Variants in AK9 observed in about 807,000 individuals in gnomAD.
AK9 encodes adenylate kinase 9, also known as adenylate kinase domain containing 1.
Under a neutral mutation model 239.6 loss-of-function variants are expected in AK9, and 191 were observed. The ratio of observed to expected loss-of-function variants is 0.80; its 90% CI spans 0.71 to 0.90. The LOEUF is 0.90. AK9 is among the 40% of genes least tolerant of loss of function. The pLI is 0.00. For synonymous variants in AK9, 689 were observed against 721.0 expected, an observed-to-expected ratio of 0.96 and a Z score of 0.71; for missense variants, 1,995 against 2,214.7, an observed-to-expected ratio of 0.90 and a Z score of 1.99.
At chr6:109,538,833 G>A (rs11965743) in intron 27 of AK9, among the ~76,000 whole-genome samples, 3,223 of 152,198 alleles carry the variant, frequency 0.021, 101 homozygotes, top group African/African-American at 0.075. Flanking sequence ...TTGCTTGTCT[G>A]TAAAGGATTT....
chr6:109,567,829 A>C (rs1182442493), intron 21 of AK9, among the ~76,000 whole-genome samples: 1 of 150,978 alleles, frequency 6.6e-6, no homozygotes, highest in African/African-American at 2.4e-5. Context: ...ACATGTATAC[A>C]TATGTAACAA....
At chr6:109,677,283 A>T (rs552667307) in intron 1 of AK9, among the ~76,000 whole-genome samples, 9 of 152,326 alleles carry the variant, frequency 5.9e-5, no homozygotes, top group Admixed American at 3.9e-4. Flanking sequence ...AATATTTTTT[A>T]AAAATAGTAA....
In AK9 at chr6:109,508,542, A is replaced by C. The variant is rs992271403; in HGVS notation, c.4481+637T>G. On this transcript the variant is annotated intron_variant, in intron 33 of 40. Transcript: ENST00000424296. ...AAGGACTTAATTATGGGTCACAGAC[A>C]AGGAAAGTCAAAGAGGCTTCTAATA... is the stretch of plus-strand genomic sequence containing the variant. Among the ~76,000 whole-genome samples, 80 of 152,228 alleles carry C rather than the reference A, an allele frequency of 5.3e-4. 1 individual carries two copies. Among genetic ancestry groups the C allele is most frequent in the East Asian group, 4.8e-3 (25 of 5,156 alleles).
chr6:109,567,362 C>T (rs1298873059), intron 21 of AK9, among the ~76,000 whole-genome samples: 3 of 152,082 alleles, frequency 2.0e-5, no homozygotes, highest in African/African-American at 7.2e-5. Flanking sequence ...CACATACACC[C>T]TCCCAAGACT....
chr6:109,562,214 T>C (rs1033146392), intron 24 of AK9, among the ~76,000 whole-genome samples: 1 of 152,204 alleles, frequency 6.6e-6, no homozygotes, highest in Admixed American at 6.5e-5. Flanking sequence ...CTCATTTTTT[T>C]TCAGAATCTT....
chr6:109,572,038 G>A (rs879912005), intron 21 of AK9, among the ~76,000 whole-genome samples: 9 of 152,154 alleles, frequency 5.9e-5, no homozygotes, highest in Admixed American at 5.9e-4. Flanking sequence ...AACCATAGGT[G>A]ATTCTGATAC....
At chr6:109,635,702 T>C (rs1212914364) in intron 10 of AK9, among the ~76,000 whole-genome samples, 5 of 152,240 alleles carry the variant, frequency 3.3e-5, no homozygotes, top group East Asian at 1.9e-4. Context: ...TAAGGGTTAA[T>C]GCCTGGCAAA....
intron 13 of AK9, among the ~76,000 whole-genome samples, chr6:109,617,713 C>G (rs952015919): frequency 1.1e-4 from 17 of 151,906 alleles, no homozygotes; most frequent in African/African-American, 9.7e-5. Context: ...TTTGCGTATA[C>G]CATAGGATCA....
At chr6:109,563,036 G>A (rs1191998361) in intron 24 of AK9, among the ~76,000 whole-genome samples, 2 of 152,180 alleles carry the variant, frequency 1.3e-5, no homozygotes, top group East Asian at 3.8e-4. Flanking sequence ...CATATTGTTT[G>A]TTGTTTGACA....
intron 29 of AK9, among the ~76,000 whole-genome samples, chr6:109,526,525 A>C (rs1253938103): frequency 6.6e-6 from 1 of 152,066 alleles, no homozygotes; most frequent in East Asian, 1.9e-4. Flanking sequence ...TGGTAGGGGA[A>C]GACAGGGGAA....
chr6:109,526,131 T>TGAGGGTA (rs1167579359), intron 29 of AK9, among the ~76,000 whole-genome samples: 1 of 151,944 alleles, frequency 6.6e-6, no homozygotes, highest in Non-Finnish European at 1.5e-5. Flanking sequence ...GGGGCCTACT[T>TGAGGGTA]GAGGGTAGAG....
At chr6:109,528,906 G>C in intron 29 of AK9, 105 bp downstream of exon 29, 1 of 1,521,624 alleles carries the variant, frequency 6.6e-7, no homozygotes, top group Non-Finnish European at 8.8e-7. Context: ...AGGATCCCTT[G>C]AGCCCAGGAG....
intron 17 of AK9, among the ~76,000 whole-genome samples, chr6:109,608,233 C>T (rs1168418945): frequency 4.0e-5 from 6 of 149,532 alleles, no homozygotes; most frequent in South Asian, 2.1e-4. Flanking sequence ...GAGCTGAGAT[C>T]GCACCACTGC....
rs35645404 is a variant in AK9 at position 109,591,861 on chromosome 6, GA to G, written c.1843-5790del. Among the ~76,000 whole-genome samples, 100 of 148,230 alleles carry G rather than the reference GA, an allele frequency of 6.7e-4. 1 individual carries two copies. The highest frequency in any genetic ancestry group is 2.0e-3 in the African/African-American group (82 of 40,044). On this transcript the variant is annotated intron_variant, in intron 17 of 40. Transcript: ENST00000424296. ...TTTTTTAAAACCCTTTTCCTATTTAGAAAAAAAAAAAGTGCAGTTCACTGCC... is the reference window on the plus strand; with the variant it reads ...TTTTTTAAAACCCTTTTCCTATTTAGAAAAAAAAAAGTGCAGTTCACTGCC...
chr6:109,598,909 G>T lies in AK9; in HGVS notation c.1842+11456C>A, dbSNP rs529732909. Among the ~76,000 whole-genome samples the T allele has an allele frequency of 2.6e-4, 40 of 151,176 alleles. No homozygotes were observed. The East Asian group carries it at 7.4e-3, about 28-fold the overall frequency. ...GTCTGTTCATATCCTTTGCCCACTT[G>T]TTGATGGGGTTGTTTGTTTTTTTCT... On this transcript the variant is annotated intron_variant, in intron 17 of 40. Coordinates refer to ENST00000424296, the MANE Select transcript of AK9 (RefSeq NM_001145128.3).
intron 29 of AK9, among the ~76,000 whole-genome samples, chr6:109,523,192 A>T (rs1582827783): frequency 6.6e-6 from 1 of 151,986 alleles, no homozygotes; most frequent in Non-Finnish European, 1.5e-5. Flanking sequence ...TACAATGTTG[A>T]TTTTAAAAAA....
intron 17 of AK9, among the ~76,000 whole-genome samples, chr6:109,591,705 C>T (rs1790268396): frequency 6.6e-6 from 1 of 151,910 alleles, no homozygotes; most frequent in Admixed American, 6.6e-5. Flanking sequence ...GTTTAGAAGT[C>T]CTTTGAGCAT....
intron 17 of AK9, among the ~76,000 whole-genome samples, chr6:109,608,244 A>G (rs1177884415): frequency 6.7e-6 from 1 of 148,302 alleles, no homozygotes; most frequent in Non-Finnish European, 1.5e-5. Flanking sequence ...GCACCACTGC[A>G]CTCCAGCCTG....
chr6:109,515,985 T>C lies in AK9; in HGVS notation c.3937A>G (p.Lys1313Glu). ...CTTGCACGATTTTCCACCAGTGGTT[T>C]CAGTTTCATATTCAATGTATATTGT... is the stretch of plus-strand genomic sequence containing the variant. ...IVQYTLNMKL[K>E]PLVENRASIF... Residue 1313 changes from lysine to glutamate, a missense_variant, in exon 31 of 41, where the codon AAA (lysine) becomes GAA (glutamate). Coordinates refer to ENST00000424296, the MANE Select transcript of AK9 (RefSeq NM_001145128.3). 6.4e-7 allele frequency: 1 copy of C among 1,551,484 alleles called. No homozygotes were observed. Among genetic ancestry groups the C allele is most frequent in the Non-Finnish European group, 8.7e-7 (1 of 1,146,764 alleles).
Sources: allele counts gnomAD v4.1 joint callset (sites outside exome capture counted in the v4.1 genomes callset), GRCh38; gene constraint gnomAD v4.1.1; transcripts MANE v1.5; gene names NCBI Gene and HGNC (gene_info 2026-07-23, HGNC 2026-07-21).